Variants in DHX15 observed in about 807,000 individuals in gnomAD.
DHX15 encodes DEAH-box helicase 15.
A neutral mutation model predicts 94.4 loss-of-function variants in DHX15; 11 were observed. That is an observed-to-expected ratio of 0.12 (90% CI 0.07 to 0.19). The LOEUF is 0.19. DHX15 is among the 10% of genes least tolerant of loss of function. The pLI is 1.00. For synonymous variants in DHX15, 338 were observed against 329.9 expected, an observed-to-expected ratio of 1.02 and a Z score of -0.27; for missense variants, 304 against 988.5, an observed-to-expected ratio of 0.31 and a Z score of 9.29.
chr4:24,568,500 A>G (rs1240252484), intron 3 of DHX15, among the ~76,000 whole-genome samples: 1 of 152,232 alleles, frequency 6.6e-6, no homozygotes, highest in Non-Finnish European at 1.5e-5. Flanking sequence ...CACAATGCCA[A>G]AAATACTTCA....
At chr4:24,528,530 C>A (rs1392767958) in intron 13 of DHX15, among the ~76,000 whole-genome samples, 1 of 152,096 alleles carries the variant, frequency 6.6e-6, no homozygotes, top group Non-Finnish European at 1.5e-5. Flanking sequence ...CTCAACAAAG[C>A]GTTTAAGATA....
At position 24,537,891 on chromosome 4, in the gene DHX15, T is replaced by TA. The variant is rs1299076625; in HGVS notation, c.1787-719dup. On this transcript the variant is annotated intron_variant, in intron 10 of 13. Transcript: ENST00000336812. The surrounding 1 kb of genome is among the most constrained non-coding windows in gnomAD (Gnocchi z 4.7). Reference sequence around the variant, plus strand: ...GGATTAGAAAATAAAGTCCCAAATTTAAAAAAGAAAAAAAACAAACTTATT... The same window carrying TA: ...GGATTAGAAAATAAAGTCCCAAATTTAAAAAAAGAAAAAAAACAAACTTATT... The TA allele has an allele frequency of 1.3e-5, 2 of 151,624 alleles. No homozygotes were observed. The highest frequency in any genetic ancestry group is 2.9e-5 in the Non-Finnish European group (2 of 67,868). 9.4% of individuals were successfully genotyped at this position (151,624 alleles called of 1,614,324 possible). A position where few individuals can be genotyped will look rare whatever the true frequency, so the allele number is the denominator to read the frequency against.
chr4:24,552,429 C>T (rs1721628371), intron 5 of DHX15, among the ~76,000 whole-genome samples: 1 of 152,150 alleles, frequency 6.6e-6, no homozygotes, highest in Admixed American at 6.5e-5. Context: ...ACACTTTAAA[C>T]TGTTCTCTCT....
Position 24,554,759 on chromosome 4 carries a change from T to C in DHX15, c.1046A>G (p.Glu349Gly). 1 of 1,613,650 alleles carries C rather than the reference T, an allele frequency of 6.2e-7. No homozygotes were observed. ...AGTTAAGAAAAGAAGAAGATCTCCC[T>C]CTTCCTCTTCACACATATGAATCTG... ...VIQIHMCEEE[E>G]GDLLLFLTGQ... The change falls in exon 5 of 14, where the codon GAG becomes GGG. Residue 349 changes from glutamate to glycine, a missense_variant. By Grantham distance (98) the Glu-to-Gly change is moderately conservative. Around this residue, in one of 9 missense-constraint regions of DHX15, gnomAD observed 40 missense variants for 107.1 expected, o/e 0.37. Coordinates refer to ENST00000336812, the MANE Select transcript of DHX15 (RefSeq NM_001358.3).
chr4:24,582,268 A>G (rs1722432749), intron 1 of DHX15, among the ~76,000 whole-genome samples: 1 of 152,238 alleles, frequency 6.6e-6, no homozygotes. Flanking sequence ...GCATTATTCC[A>G]AAGATGAACT....
intron 7 of DHX15, 48 bp downstream of exon 7, chr4:24,542,892 G>A (rs780316420): frequency 7.4e-7 from 1 of 1,349,204 alleles, no homozygotes; most frequent in Non-Finnish European, 1.1e-6. Context: ...TTGGTTGTAA[G>A]TACTGTTAAA....
intron 7 of DHX15, among the ~76,000 whole-genome samples, chr4:24,542,478 T>C (rs573891933): frequency 3.3e-5 from 5 of 152,154 alleles, no homozygotes; most frequent in Admixed American, 6.6e-5. Flanking sequence ...ATAAAACGTA[T>C]TTATTGAATA....
chr4:24,576,743 A>C, intron 1 of DHX15, 65 bp from the exon 2 acceptor site: 2 of 1,565,792 alleles, frequency 1.3e-6, no homozygotes, highest in South Asian at 1.2e-5. Flanking sequence ...TAGCGTTATA[A>C]TCACAAAGAG....
At chr4:24,533,123 A>T (rs1021624497) in intron 11 of DHX15, 69 bp from the exon 12 acceptor site, 5 of 1,324,004 alleles carry the variant, frequency 3.8e-6, no homozygotes, top group Non-Finnish European at 4.4e-6. Context: ...TTCTCTAATT[A>T]AAAAAATTGT....
At position 24,576,501 on chromosome 4, in the gene DHX15, A is replaced by G; in HGVS notation, c.249T>C (p.Ala83=). Residue 83 remains alanine (A), a synonymous_variant, in exon 2 of 14, where the codon GCT becomes GCC. Coordinates refer to ENST00000336812, the MANE Select transcript of DHX15 (RefSeq NM_001358.3). The part of the protein sequence containing the change: ...GLPPLKASHS[A]HSTHSAHSTH... ...TTGAATGTGCTGAGTGGGTTGAGTG[A>G]GCTGAATGGGAAGCTTTCAAAGGTG... 1.9e-6 allele frequency: 3 copies of G among 1,614,160 alleles called. No individual in the cohort carries two copies. Among genetic ancestry groups the G allele is most frequent in the Non-Finnish European group, 2.5e-6 (3 of 1,180,024 alleles).
chr4:24,533,444 C>G (rs544460553), intron 11 of DHX15: 1 of 249,896 alleles, frequency 4.0e-6, no homozygotes, highest in South Asian at 5.7e-5. Context: ...ATTAAGATAA[C>G]TGCAAACAAT....
At chr4:24,559,850 G>C (rs1721825547) in intron 3 of DHX15, among the ~76,000 whole-genome samples, 1 of 152,120 alleles carries the variant, frequency 6.6e-6, no homozygotes, top group Non-Finnish European at 1.5e-5. Context: ...GCTCTAACAA[G>C]TTTTCAAGTG....
intron 12 of DHX15, chr4:24,531,016 G>C (rs1466856093): frequency 1.3e-5 from 2 of 152,076 alleles, no homozygotes; most frequent in Non-Finnish European, 2.9e-5. Context: ...AGCACACTCT[G>C]TGGTGCCTAG....
chr4:24,582,413 T>A (rs1459463975), intron 1 of DHX15, among the ~76,000 whole-genome samples: 2 of 152,218 alleles, frequency 1.3e-5, no homozygotes, highest in African/African-American at 4.8e-5. Context: ...ATACATATGG[T>A]GGGACCACTA....
chr4:24,532,882 A>T lies in DHX15; in HGVS notation c.2082T>A (p.Val694=), dbSNP rs775490187. The T allele has an allele frequency of 1.9e-6, 3 of 1,608,666 alleles. No individual in the cohort carries two copies. In the South Asian group the frequency reaches 3.3e-5, roughly 18 times the overall value. The part of the protein sequence containing the change: ...DYYINIRKAL[V]TGYFMQVAHL... ...TACATACCTGCATAAAATACCCAGT[A>T]ACCAAAGCTTTTCTTATATTAATAT... The change falls in exon 12 of 14, where the codon GTT becomes GTA. Residue 694 remains valine, a synonymous_variant. Transcript: ENST00000336812.
intron 3 of DHX15, among the ~76,000 whole-genome samples, chr4:24,566,088 G>C (rs1721986258): frequency 6.6e-6 from 1 of 150,874 alleles, no homozygotes. Flanking sequence ...CTGTCACCCA[G>C]GCTGGAGCGC....
intron 2 of DHX15, among the ~76,000 whole-genome samples, chr4:24,572,527 A>C (rs1722146188): frequency 6.6e-6 from 1 of 152,244 alleles, no homozygotes; most frequent in Non-Finnish European, 1.5e-5. Flanking sequence ...AGCAGCTCTC[A>C]GGACCCCTGT....
chr4:24,576,169 A>G, intron 2 of DHX15, 74 bp downstream of exon 2: 2 of 1,222,466 alleles, frequency 1.6e-6, no homozygotes, highest in South Asian at 1.4e-5. Flanking sequence ...GGAAATGACC[A>G]CCAGAATCAA....
intron 3 of DHX15, among the ~76,000 whole-genome samples, chr4:24,562,231 T>TAA (rs1560771650): frequency 6.6e-6 from 1 of 151,030 alleles, no homozygotes; most frequent in Non-Finnish European, 1.5e-5. Context: ...ACCTAAAAGT[T>TAA]AAAAAAGCAT....
Sources: gnomAD v4.1 joint callset for allele counts (sites outside exome capture counted in the v4.1 genomes callset) on GRCh38, gnomAD v4.1.1 for gene constraint, gnomAD v4.1.1 regional missense constraint, Gnocchi (gnomAD v3.1) non-coding constraint, MANE v1.5 for transcripts, NCBI Gene and HGNC (gene_info 2026-07-23, HGNC 2026-07-21) for gene names.